Variants in TRRAP observed in about 807,000 individuals in gnomAD.
TRRAP encodes the protein transformation/transcription domain-associated protein.
In TRRAP, 41 loss-of-function variants were observed where a neutral mutation model predicts 438.8. The observed-to-expected ratio is 0.09, with a 90% CI of 0.07 to 0.12. The LOEUF (loss-of-function observed/expected upper bound fraction) is 0.12. Ranked by LOEUF, TRRAP falls within the 10% of genes least tolerant of loss-of-function variation. The pLI is 1.00. For missense variants in TRRAP, 3,122 were observed against 5,055.1 expected, an observed-to-expected ratio of 0.62 and a Z score of 11.60; for synonymous variants, 1,994 against 1,962.9, an observed-to-expected ratio of 1.02 and a Z score of -0.42.
At position 99,005,688 on chromosome 7, in the gene TRRAP, T is replaced by G. The variant is rs995970232; in HGVS notation, c.10753+340T>G. Among the ~76,000 whole-genome samples, 1 of 152,210 alleles carries G rather than the reference T, an allele frequency of 6.6e-6. No individual in the cohort carries two copies. The highest frequency in any genetic ancestry group is 6.5e-5 in the Admixed American group (1 of 15,280). ...ACATTATGAGATTTCTTTTTCTTTTTTTTTTTCTTTTTTAGCTCATCACCT... is the reference window on the plus strand; with the variant it reads ...ACATTATGAGATTTCTTTTTCTTTTGTTTTTTCTTTTTTAGCTCATCACCT... On this transcript the variant is annotated intron_variant, in intron 69 of 72. Transcript: ENST00000456197. This position sits in a 1 kb window ranked among gnomAD's most constrained non-coding sequence, Gnocchi z 5.1.
chr7:98,908,392 G>A lies in TRRAP; in HGVS notation c.1116-336G>A, dbSNP rs185532630. Among the ~76,000 whole-genome samples, 17 of 152,264 alleles carry A rather than the reference G, an allele frequency of 1.1e-4. No homozygotes were observed. The highest frequency in any genetic ancestry group is 3.4e-3 in the Middle Eastern group (1 of 294). ...ATCATATATAAAGATTGATTGACCC[G>A]TCCTATTTATTTTTGAGCAACAAAA... On this transcript the variant is annotated intron_variant, in intron 13 of 72. Coordinates refer to ENST00000456197, the MANE Select transcript of TRRAP (RefSeq NM_001375524.1). This position sits in a 1 kb window ranked among gnomAD's most constrained non-coding sequence, Gnocchi z 4.1.
chr7:98,964,591 A>T, intron 47 of TRRAP, 38 bp from the exon 48 acceptor site: 2 of 1,598,358 alleles, frequency 1.3e-6, no homozygotes, highest in Admixed American at 1.8e-5. Flanking sequence ...CGTGGTTGTT[A>T]CTTTTCTGTG....
intron 18 of TRRAP, 133 bp downstream of exon 18, chr7:98,912,346 T>G: frequency 1.2e-6 from 1 of 857,706 alleles, no homozygotes; most frequent in Non-Finnish European, 1.7e-6. Context: ...ATCTCCCCAG[T>G]TTTTGGGACT....
chr7:98,951,240 A>G (rs1432210692), intron 39 of TRRAP, among the ~76,000 whole-genome samples: 1 of 152,240 alleles, frequency 6.6e-6, no homozygotes, highest in Admixed American at 6.5e-5. Flanking sequence ...ACTTTCCCAC[A>G]TTAATAGATT....
At position 98,979,121 on chromosome 7, in the gene TRRAP, T is replaced by C. The variant is rs74862258; in HGVS notation, c.8634+217T>C. 6.6e-3 allele frequency among the ~76,000 whole-genome samples: 1,010 copies of C among 152,358 alleles called. 14 individuals carry two copies. Among genetic ancestry groups the C allele is most frequent in the African/African-American group, 0.023 (943 of 41,582 alleles). On this transcript the variant is annotated intron_variant, in intron 58 of 72. Coordinates refer to ENST00000456197, the MANE Select transcript of TRRAP (RefSeq NM_001375524.1). Reference sequence around the variant, plus strand: ...TTGAAGATTAGAAATAGTCACAAACTATGAACTAGAAGATGGAATCGAGGC... The same window carrying C: ...TTGAAGATTAGAAATAGTCACAAACCATGAACTAGAAGATGGAATCGAGGC...
At chr7:98,903,353 T>G in intron 11 of TRRAP, 26 bp from the exon 12 acceptor site, 1 of 1,613,302 alleles carries the variant, frequency 6.2e-7, no homozygotes, top group Non-Finnish European at 8.5e-7. Context: ...TCCCTGTAAC[T>G]GTGTCATCTC....
At chr7:98,949,939 T>C in intron 37 of TRRAP, 98 bp downstream of exon 37, 1 of 1,567,538 alleles carries the variant, frequency 6.4e-7, no homozygotes, top group African/African-American at 1.4e-5. Context: ...GGTCATTGGA[T>C]GCGTGCAGTC....
chr7:98,894,674 G>A (rs554843806), intron 6 of TRRAP, among the ~76,000 whole-genome samples: 27 of 149,956 alleles, frequency 1.8e-4, no homozygotes, highest in Non-Finnish European at 1.8e-4. Context: ...GTGCAGTGGC[G>A]CAATCTTGGC....
At chr7:98,986,318 G>A (rs1054898290) in intron 62 of TRRAP, among the ~76,000 whole-genome samples, 13 of 152,276 alleles carry the variant, frequency 8.5e-5, no homozygotes, top group African/African-American at 3.1e-4. Flanking sequence ...GAATATCTGG[G>A]TCATATTGTA....
chr7:98,906,367 C>A, intron 13 of TRRAP, 112 bp downstream of exon 13: 1 of 588,524 alleles, frequency 1.7e-6, no homozygotes, highest in Non-Finnish European at 2.8e-6. Context: ...CTTGACACAC[C>A]TGTTAGGTTA....
intron 67 of TRRAP, among the ~76,000 whole-genome samples, chr7:98,995,880 T>A (rs1313768986): frequency 8.6e-6 from 1 of 116,396 alleles, no homozygotes; most frequent in Non-Finnish European, 1.5e-5. Flanking sequence ...TGTCCCATCA[T>A]ACACACCCCT....
chr7:98,957,906 TG>T, intron 43 of TRRAP, 74 bp from the exon 44 acceptor site: 1 of 1,322,792 alleles, frequency 7.6e-7, no homozygotes, highest in Non-Finnish European at 1.1e-6. Flanking sequence ...ACCCATTAGC[TG>T]GGTGAAAAGT....
chr7:98,959,257 C>T, intron 44 of TRRAP, 87 bp from the exon 45 acceptor site: 1 of 1,553,668 alleles, frequency 6.4e-7, no homozygotes, highest in South Asian at 1.2e-5. Flanking sequence ...GTGTAAGGGC[C>T]AGGGCACAGT....
Position 98,900,648 on chromosome 7 carries a change from G to C in TRRAP, c.825G>C (p.Glu275Asp). 6.2e-7 allele frequency: 1 copy of C among 1,612,910 alleles called. No homozygotes were observed. Among genetic ancestry groups the C allele is most frequent in the Non-Finnish European group, 8.5e-7 (1 of 1,179,818 alleles). The stretch of plus-strand genomic sequence containing the variant: ...GGCAACATAAGCTTTACAACAAGGA[G>C]TTGTATGCTGACTTCATTGCTGCTC... ...QARQHKLYNK[E>D]LYADFIAAQI... The change falls in exon 11 of 73, where the codon GAG becomes GAC. Residue 275 changes from glutamate to aspartate, a missense_variant. Glu to Asp is a conservative substitution (Grantham distance 45, BLOSUM62 2). Transcript: ENST00000456197.
chr7:98,991,374 T>C (rs1793425288), intron 64 of TRRAP, among the ~76,000 whole-genome samples: 1 of 152,230 alleles, frequency 6.6e-6, no homozygotes, highest in African/African-American at 2.4e-5. Context: ...GGCTCCTTCC[T>C]GCACGCAGCA....
intron 41 of TRRAP, 75 bp downstream of exon 41, chr7:98,955,379 C>A: frequency 7.0e-7 from 1 of 1,429,756 alleles, no homozygotes; most frequent in South Asian, 1.4e-5. Context: ...TTGTCTTGTT[C>A]TGCAATAATC....
At chr7:98,978,925 CCCTGCCGCTG>C in intron 58 of TRRAP, 21 bp downstream of exon 58, 1 of 1,612,654 alleles carries the variant, frequency 6.2e-7, no homozygotes, top group African/African-American at 1.3e-5. Context: ...CCGGGGGCAT[CCCTGCCGCTG>C]CCTGGGTCCC....
In TRRAP at chr7:98,937,827, CA is replaced by C. The variant is rs1790622318; in HGVS notation, c.4404+10del. The stretch of plus-strand genomic sequence containing the variant: ...ATTTTGTGATCAGATGATGGTAAGC[CA>C]AATGCATTTAAACGCTCTGTAACAA... On this transcript the variant is annotated splice_region_variant and intron_variant, in intron 30 of 72. Coordinates refer to ENST00000456197, the MANE Select transcript of TRRAP (RefSeq NM_001375524.1). 6.2e-7 allele frequency: 1 copy of C among 1,605,884 alleles called. No individual in the cohort carries two copies. Among genetic ancestry groups the C allele is most frequent in the Non-Finnish European group, 8.5e-7 (1 of 1,177,184 alleles).
At chr7:98,990,381 T>C in intron 63 of TRRAP, 74 bp from the exon 64 acceptor site, 10 of 1,554,466 alleles carry the variant, frequency 6.4e-6, no homozygotes, top group South Asian at 2.3e-5. Flanking sequence ...AGTGTTGTAA[T>C]GTTGGGGAAA....
Sources: gnomAD v4.1 joint callset for allele counts (sites outside exome capture counted in the v4.1 genomes callset) on GRCh38, gnomAD v4.1.1 for gene constraint, Gnocchi (gnomAD v3.1) non-coding constraint, MANE v1.5 for transcripts, NCBI Gene and HGNC (gene_info 2026-07-23, HGNC 2026-07-21) for gene names.